Variants in PRIM2 observed in about 807,000 individuals in gnomAD.
PRIM2 encodes the protein DNA primase subunit 2, also known as DNA primase large subunit.
In PRIM2, 39 loss-of-function variants were observed where a neutral mutation model predicts 67.3. The observed-to-expected ratio is 0.58, with a 90% CI of 0.45 to 0.76. The LOEUF (loss-of-function observed/expected upper bound fraction) is 0.76, where lower values mean the gene tolerates loss of function less well. Ranked by LOEUF, PRIM2 falls within the 30% of genes least tolerant of loss-of-function variation. The pLI is 0.00. For synonymous variants in PRIM2, 143 were observed against 198.7 expected (o/e 0.72, Z 2.36); for missense variants, 398 against 598.7 (o/e 0.66, Z 3.50).
chr6:57,492,542 T>TC (rs1554346065), intron 7 of PRIM2, among the ~76,000 whole-genome samples: 1 of 146,848 alleles, frequency 6.8e-6, no homozygotes, highest in African/African-American at 2.6e-5. Flanking sequence ...GAACTCTCTC[T>TC]AAAAAAAAAA....
chr6:57,433,965 C>T (rs370669195), intron 7 of PRIM2, among the ~76,000 whole-genome samples: 1 of 145,172 alleles, frequency 6.9e-6, no homozygotes. Flanking sequence ...GCTCTTGTTG[C>T]CCAGGCTGGA....
At chr6:57,498,363 G>A (rs1774052443) in intron 7 of PRIM2, among the ~76,000 whole-genome samples, 3 of 152,020 alleles carry the variant, frequency 2.0e-5, no homozygotes, top group African/African-American at 7.2e-5. Flanking sequence ...TGAGGAGAAT[G>A]CAAAGACATT....
At chr6:57,353,351 G>C (rs1286419999) in intron 5 of PRIM2, among the ~76,000 whole-genome samples, 1 of 152,078 alleles carries the variant, frequency 6.6e-6, no homozygotes, top group Non-Finnish European at 1.5e-5. Context: ...GGTTGTTCAG[G>C]GATGTAATAG....
Position 57,606,470 on chromosome 6 carries a change from C to T in PRIM2, c.1230+13C>T. Reference sequence around the variant, plus strand: ...AGGGATAAGCCAGGTAGGTCATATTCTTCTCTCTGCATCTGCAGTAACGAG... The same window carrying T: ...AGGGATAAGCCAGGTAGGTCATATTTTTCTCTCTGCATCTGCAGTAACGAG... On this transcript the variant is annotated intron_variant, in intron 12 of 13. Transcript: ENST00000615550. 6.4e-7 allele frequency: 1 copy of T among 1,553,952 alleles called. No homozygotes were observed. The highest frequency in any genetic ancestry group is 1.7e-5 in the Admixed American group (1 of 57,308).
chr6:57,361,460 CT>C (rs1769196674), intron 5 of PRIM2, among the ~76,000 whole-genome samples: 3 of 150,270 alleles, frequency 2.0e-5, no homozygotes, highest in South Asian at 2.2e-4. Context: ...TGAGTAGCCT[CT>C]TTCTCCTTCT....
At chr6:57,558,856 G>A (rs1330624398) in intron 10 of PRIM2, among the ~76,000 whole-genome samples, 10 of 152,094 alleles carry the variant, frequency 6.6e-5, no homozygotes, top group Admixed American at 2.6e-4. Flanking sequence ...GGCTGGGCAC[G>A]GTGGCTCACA....
the PRIM2 span, among the ~76,000 whole-genome samples, chr6:57,271,820 A>G: frequency 7.2e-5 from 11 of 152,148 alleles, no homozygotes; most frequent in Non-Finnish European, 1.6e-4. Context: ...AGATTCTGGT[A>G]TGTTGTGTCT....
chr6:57,227,960 A>C, the PRIM2 span, among the ~76,000 whole-genome samples: 1 of 152,212 alleles, frequency 6.6e-6, no homozygotes, highest in Non-Finnish European at 1.5e-5. Flanking sequence ...CTTAAATATA[A>C]TCTTTTCAAC....
intron 7 of PRIM2, among the ~76,000 whole-genome samples, chr6:57,469,587 A>T (rs1355863658): frequency 6.6e-6 from 1 of 152,228 alleles, no homozygotes; most frequent in African/African-American, 2.4e-5. Flanking sequence ...GCTAATTTGT[A>T]TGCAAGATAT....
chr6:57,375,529 C>CT lies in PRIM2; in HGVS notation c.460-4364dup, dbSNP rs534196526. 4.1e-3 allele frequency among the ~76,000 whole-genome samples: 594 copies of CT among 145,512 alleles called. 3 individuals are homozygous for CT. Among genetic ancestry groups the CT allele is most frequent in the African/African-American group, 0.014 (558 of 40,678 alleles). Reference sequence around the variant, plus strand: ...TCAAGGATATTGGCCTGATGTTTTCCTTTTTTTTGTTGTATCTCCGCCAGA... The same window carrying CT: ...TCAAGGATATTGGCCTGATGTTTTCCTTTTTTTTTGTTGTATCTCCGCCAGA... On this transcript the variant is annotated intron_variant, in intron 5 of 13. Coordinates refer to ENST00000615550, the MANE Select transcript of PRIM2 (RefSeq NM_000947.5).
intron 7 of PRIM2, among the ~76,000 whole-genome samples, chr6:57,452,912 G>C (rs1396014668): frequency 1.3e-5 from 2 of 152,066 alleles, no homozygotes; most frequent in Non-Finnish European, 2.9e-5. Context: ...GGTTTTTATG[G>C]TTTTAGGTCT....
chr6:57,247,090 G>A, the PRIM2 span, among the ~76,000 whole-genome samples: 5 of 152,112 alleles, frequency 3.3e-5, no homozygotes, highest in East Asian at 1.9e-4. Flanking sequence ...TCCTGACCTC[G>A]TGATCCGCCC....
intron 10 of PRIM2, among the ~76,000 whole-genome samples, chr6:57,586,230 A>G (rs1268028889): frequency 6.6e-6 from 1 of 152,206 alleles, no homozygotes; most frequent in Admixed American, 6.5e-5. Flanking sequence ...CATAGACTGA[A>G]TAAGAATCAT....
chr6:57,563,681 G>A (rs1159120215), intron 10 of PRIM2, among the ~76,000 whole-genome samples: 1,611 of 152,164 alleles, frequency 0.011, 28 homozygotes, highest in African/African-American at 0.037. Context: ...TTGCTTTGTC[G>A]CCCAGGTTGG....
intron 10 of PRIM2, among the ~76,000 whole-genome samples, chr6:57,538,690 A>G (rs1775069887): frequency 6.6e-6 from 1 of 152,102 alleles, no homozygotes; most frequent in Non-Finnish European, 1.5e-5. Context: ...ATTTCCTCAC[A>G]CTTCTGGAGG....
rs1770040783 is a variant in PRIM2, at chr6:57,383,680, G to GAA, written c.693+1513_693+1514insAA. The GAA allele has an allele frequency of 2.0e-5, 3 of 151,720 alleles. No homozygotes were observed. In the South Asian group the frequency reaches 6.2e-4, roughly 32 times the overall value. The allele number at this position is 151,720 out of a possible 1,614,324, so 9.4% of individuals were successfully genotyped here. ...TGCCTGGAAGAGCTACAGCCATCTA[G>GAA]AGATGAGGCAGGTAACTTCGGGACA... On this transcript the variant is annotated intron_variant, in intron 7 of 13. Transcript: ENST00000615550.
At chr6:57,630,576 T>TTGTA (rs1336657352) in intron 12 of PRIM2, among the ~76,000 whole-genome samples, 1 of 151,918 alleles carries the variant, frequency 6.6e-6, no homozygotes, top group Admixed American at 6.6e-5. Context: ...ACATACTAGA[T>TTGTA]TGTATGTATG....
At chr6:57,466,551 T>C (rs1773199174) in intron 7 of PRIM2, among the ~76,000 whole-genome samples, 1 of 152,260 alleles carries the variant, frequency 6.6e-6, no homozygotes. Context: ...GTGGTTTTGA[T>C]TTGCATTTCT....
the PRIM2 span, among the ~76,000 whole-genome samples, chr6:57,240,821 G>A: frequency 6.6e-6 from 1 of 152,128 alleles, no homozygotes; most frequent in Admixed American, 6.6e-5. Context: ...GCGCACAGTG[G>A]CTCACACCTG....
Sources: allele counts gnomAD v4.1 joint callset (sites outside exome capture counted in the v4.1 genomes callset), GRCh38; gene constraint gnomAD v4.1.1; transcripts MANE v1.5; gene names NCBI Gene and HGNC (gene_info 2026-07-23, HGNC 2026-07-21).